The following MCTP1 variants were observed in gnomAD, a reference collection of about 807,000 sequenced individuals.
The protein encoded by MCTP1 is multiple C2 and transmembrane domain-containing protein 1.
In MCTP1, 69 loss-of-function variants were observed where a neutral mutation model predicts 120.6. The ratio of observed to expected loss-of-function variants is 0.57; its 90% confidence interval spans 0.47 to 0.70. The LOEUF (loss-of-function observed/expected upper bound fraction) is 0.70. MCTP1 is among the 30% of genes least tolerant of loss of function. The pLI is 0.00. For synonymous variants in MCTP1, 529 were observed against 493.1 expected (o/e 1.07, Z -0.96); for missense variants, 1,203 against 1,248.8 (o/e 0.96, Z 0.55).
chr5:95,127,721 C>T (rs891677614), intron 1 of MCTP1, among the ~76,000 whole-genome samples: 1 of 152,090 alleles, frequency 6.6e-6, no homozygotes, highest in Non-Finnish European at 1.5e-5. Context: ...GACTCCAACC[C>T]GTACTGTAAA....
At chr5:94,865,890 G>A (rs982001233) in intron 17 of MCTP1, among the ~76,000 whole-genome samples, 34 of 151,808 alleles carry the variant, frequency 2.2e-4, no homozygotes, top group Admixed American at 1.6e-3. Context: ...TATGAAATTC[G>A]CTAATGCATG....
intron 1 of MCTP1, among the ~76,000 whole-genome samples, chr5:95,035,809 T>A (rs1841194883): frequency 6.6e-6 from 1 of 152,086 alleles, no homozygotes; most frequent in Admixed American, 6.5e-5. Flanking sequence ...ACAAAGTAGG[T>A]TCTTCCTGCT....
intron 2 of MCTP1, among the ~76,000 whole-genome samples, chr5:95,002,833 G>A (rs780804322): frequency 1.3e-5 from 2 of 152,168 alleles, no homozygotes; most frequent in Non-Finnish European, 2.9e-5. Flanking sequence ...ATTTTGAAAT[G>A]TGAGGACATG....
In MCTP1 at chr5:94,916,843, C is replaced by T. The variant is rs1734715746; in HGVS notation, c.1350+1053G>A. 2.0e-5 allele frequency among the ~76,000 whole-genome samples: 3 copies of T among 152,192 alleles called. No individual in the cohort carries two copies. In the South Asian group the frequency reaches 6.2e-4, roughly 31 times the overall value. ...CAGGCATTCTGGTTTAACCAGCCTG[C>T]CAGGTAATTCTGATACACACTCTAG... is the stretch of plus-strand genomic sequence containing the variant. On this transcript the variant is annotated intron_variant, in intron 8 of 22. Coordinates refer to ENST00000515393, the MANE Select transcript of MCTP1 (RefSeq NM_024717.7).
intron 2 of MCTP1, among the ~76,000 whole-genome samples, chr5:94,987,678 A>G (rs942171637): frequency 1.3e-5 from 2 of 152,222 alleles, no homozygotes; most frequent in Non-Finnish European, 2.9e-5. Flanking sequence ...CAAGATAGTC[A>G]CCAGCACCAC....
At chr5:95,180,567 TC>T (rs954189962) in intron 1 of MCTP1, among the ~76,000 whole-genome samples, 1 of 152,112 alleles carries the variant, frequency 6.6e-6, no homozygotes, top group African/African-American at 2.4e-5. Flanking sequence ...TGCTAAACTT[TC>T]CCTGTCTATC....
intron 17 of MCTP1, among the ~76,000 whole-genome samples, chr5:94,803,110 C>A (rs1354083950): frequency 1.3e-5 from 2 of 152,136 alleles, no homozygotes; most frequent in African/African-American, 2.4e-5. Flanking sequence ...AAACATCTAC[C>A]CCTATGTTAG....
chr5:95,072,189 C>T (rs1296396955), intron 1 of MCTP1, among the ~76,000 whole-genome samples: 1 of 151,818 alleles, frequency 6.6e-6, no homozygotes, highest in African/African-American at 2.4e-5. Context: ...ACCCCACCTC[C>T]TATCCAGAGA....
intron 1 of MCTP1, among the ~76,000 whole-genome samples, chr5:95,121,670 A>G (rs966925825): frequency 3.3e-5 from 5 of 152,080 alleles, no homozygotes; most frequent in Admixed American, 3.3e-4. Flanking sequence ...AAATAGAACC[A>G]GAAAAGACCC....
intron 1 of MCTP1, among the ~76,000 whole-genome samples, chr5:95,156,176 G>A (rs184267914): frequency 3.3e-5 from 5 of 152,282 alleles, no homozygotes; most frequent in African/African-American, 4.8e-5. Flanking sequence ...ACAGCCTGGT[G>A]AGATTCCAAA....
intron 19 of MCTP1, among the ~76,000 whole-genome samples, chr5:94,721,304 C>A (rs1361347170): frequency 1.3e-5 from 2 of 152,022 alleles, no homozygotes; most frequent in South Asian, 4.1e-4. Context: ...AATGCAGGAC[C>A]TTCATTAATA....
At chr5:94,751,399 G>GGT (rs1294348632) in intron 19 of MCTP1, among the ~76,000 whole-genome samples, 17 of 151,304 alleles carry the variant, frequency 1.1e-4, no homozygotes, top group African/African-American at 3.7e-4. Context: ...GAAGGGGCAA[G>GGT]GTGGGGTGGA....
intron 2 of MCTP1, among the ~76,000 whole-genome samples, chr5:94,987,497 T>C (rs1471008599): frequency 6.6e-6 from 1 of 152,242 alleles, no homozygotes. Context: ...TCATGACCTC[T>C]GTTGAATATC....
At chr5:94,795,087 T>C (rs74357521) in intron 18 of MCTP1, among the ~76,000 whole-genome samples, 216 of 152,296 alleles carry the variant, frequency 1.4e-3, no homozygotes, top group African/African-American at 5.0e-3. Flanking sequence ...CTATGTGCAG[T>C]AGAAATGATA....
At position 94,923,999 on chromosome 5, in the gene MCTP1, A is replaced by T. The variant is rs200188662; in HGVS notation, c.1235T>A (p.Val412Asp). ...SSKELSENEV[V>D]GSYFSVKSLF... The stretch of plus-strand genomic sequence containing the variant: ...AGACTTCACAGAGAAATAAGATCCA[A>T]CCACTTCATTTTCTGAAAGTTCCTA... The change falls in exon 7 of 23, where the codon GTT (valine) becomes GAT (aspartate). Residue 412 changes from valine (V) to aspartate (D), a missense_variant. Transcript: ENST00000515393. The T allele has an allele frequency of 1.4e-4, 211 of 1,514,064 alleles. No homozygotes were observed. Among genetic ancestry groups the T allele is most frequent in the Non-Finnish European group, 1.8e-4 (200 of 1,135,314 alleles). The allele number at this position is 1,514,064 out of a possible 1,614,324, so 93.8% of individuals were successfully genotyped here.
At chr5:95,115,900 C>T (rs1054273522) in intron 1 of MCTP1, among the ~76,000 whole-genome samples, 4 of 151,962 alleles carry the variant, frequency 2.6e-5, no homozygotes, top group African/African-American at 9.6e-5. Context: ...AAACAAATAA[C>T]ATAAAATGGA....
chr5:95,282,659 T>C (rs1224489501), intron 1 of MCTP1, among the ~76,000 whole-genome samples: 1 of 152,218 alleles, frequency 6.6e-6, no homozygotes, highest in Non-Finnish European at 1.5e-5. Flanking sequence ...CTCTACTTAC[T>C]CTTCTGAGAA....
chr5:94,966,123 A>T (rs1825534627), intron 2 of MCTP1, among the ~76,000 whole-genome samples: 2 of 152,208 alleles, frequency 1.3e-5, no homozygotes, highest in Non-Finnish European at 2.9e-5. Context: ...TCTACATTGC[A>T]GGTGAGGAAC....
intron 1 of MCTP1, among the ~76,000 whole-genome samples, chr5:95,180,386 G>A (rs558230044): frequency 6.6e-6 from 1 of 152,334 alleles, no homozygotes; most frequent in East Asian, 1.9e-4. Context: ...GGTCCAGATT[G>A]ATCTTAATAT....
Sources: allele counts gnomAD v4.1 joint callset (sites outside exome capture counted in the v4.1 genomes callset), GRCh38; gene constraint gnomAD v4.1.1; transcripts MANE v1.5; gene names NCBI Gene and HGNC (gene_info 2026-07-23, HGNC 2026-07-21).